Variants in MYO1F observed in about 807,000 individuals in gnomAD.
MYO1F encodes the protein myosin IF, also known as unconventional myosin-If.
MYO1F carries 60 observed loss-of-function variants against 146.6 expected under a neutral mutation model. The ratio of observed to expected loss-of-function variants is 0.41; its 90% CI spans 0.33 to 0.51. MYO1F has a LOEUF of 0.51. MYO1F is among the 20% of genes least tolerant of loss of function. The probability of loss-of-function intolerance (pLI) is 0.25; values close to 1 mark genes in which losing one functional copy is unlikely to be tolerated. For missense variants in MYO1F, 1,274 were observed against 1,534.3 expected (o/e 0.83, Z 2.83); for synonymous variants, 602 against 602.1 (o/e 1.00, Z 0.00).
intron 1 of MYO1F, among the ~76,000 whole-genome samples, chr19:8,561,388 T>TCCCC (rs1974103245): frequency 1.2e-5 from 1 of 84,310 alleles, no homozygotes; most frequent in South Asian, 4.9e-4. Context: ...CTTCCCCCCT[T>TCCCC]CTTTCCTTCC....
chr19:8,525,527 G>A lies in MYO1F; in HGVS notation c.2806C>T (p.Arg936Trp). ...CGGGTAGGGGCTTGGGACGACCTCC[G>A]AGGTTTTCCCTTGGCCATTCCCTTC... is the stretch of plus-strand genomic sequence containing the variant. ...TRKGMAKGKP[R>W]RSSQAPTRAA... The change falls in exon 25 of 28, where the codon CGG becomes TGG. Residue 936 changes from arginine (R) to tryptophan (W), a missense_variant. Physicochemically the swap from Arg to Trp is moderately radical, Grantham distance 101. This residue lies in a region of MYO1F where 374 missense variants were observed against 379.2 expected (regional missense o/e 0.99). Coordinates refer to ENST00000644032, the MANE Select transcript of MYO1F (RefSeq NM_012335.4). 1 of 1,613,580 alleles carries A rather than the reference G, an allele frequency of 6.2e-7. No homozygotes were observed. The highest frequency in any genetic ancestry group is 8.5e-7 in the Non-Finnish European group (1 of 1,179,960).
In MYO1F at chr19:8,530,485, C is replaced by T. The variant is rs201305709; in HGVS notation, c.2132G>A (p.Arg711Gln). The T allele has an allele frequency of 2.1e-5, 34 of 1,613,754 alleles. No homozygotes were observed. The African/African-American group carries it at 2.7e-4, about 13-fold the overall frequency. ...TTCCTCCCGCATCTCCTCGTACTTC[C>T]GGACAGCCACGTGGCGCCGCCAGGC... is the stretch of plus-strand genomic sequence containing the variant. ...QKAWRRHVAV[R>Q]KYEEMREEAS... Residue 711 changes from arginine to glutamine, a missense_variant, in exon 20 of 28, where the codon CGG (arginine) becomes CAG (glutamine). Coordinates refer to ENST00000644032, the MANE Select transcript of MYO1F (RefSeq NM_012335.4). This position sits in a 1 kb window ranked among gnomAD's most constrained non-coding sequence, Gnocchi z 5.8.
At position 8,544,330 on chromosome 19, in the gene MYO1F, G is replaced by A. The variant is rs926390652; in HGVS notation, c.1491C>T (p.Ser497=). ...VGTHEHFNSW[S]AGFVIHHYAG... is the part of the protein sequence containing the mutation. ...CGTAGTGGTGGATGACGAAGCCGGC[G>A]CTCCAGCTGTTGAAATGCTCGTGGG... Residue 497 remains serine, a synonymous_variant, in exon 14 of 28, where the codon AGC becomes AGT. Coordinates refer to ENST00000644032, the MANE Select transcript of MYO1F (RefSeq NM_012335.4). 8.7e-6 allele frequency: 14 copies of A among 1,612,960 alleles called. No individual in the cohort carries two copies. The highest frequency in any genetic ancestry group is 1.1e-5 in the Non-Finnish European group (13 of 1,179,872).
At position 8,574,581 on chromosome 19, in the gene MYO1F, CTCTCTCTCTCTCTCTCTTTCTT is replaced by C. The variant is rs1568380952; in HGVS notation, c.3+2704_3+2725del. Among the ~76,000 whole-genome samples the C allele has an allele frequency of 4.4e-4, 43 of 97,348 alleles. No individual in the cohort carries two copies. In the East Asian group the frequency reaches 5.7e-3, roughly 13 times the overall value. The allele number at this position is 97,348 out of a possible 152,430, so 63.9% of individuals were successfully genotyped here. ...TTTCTTTCTTTCTTTCTTTCTTTCTCTCTCTCTCTCTCTCTCTTTCTTTCTTTCTTTCTTTCTTTCTTTCTTT... is the reference window on the plus strand; with the variant it reads ...TTTCTTTCTTTCTTTCTTTCTTTCTCTCTTTCTTTCTTTCTTTCTTTCTTT... On this transcript the variant is annotated intron_variant, in intron 1 of 27. Transcript: ENST00000644032.
chr19:8,534,346 C>T (rs1443613861), intron 19 of MYO1F, among the ~76,000 whole-genome samples: 2 of 151,934 alleles, frequency 1.3e-5, no homozygotes, highest in South Asian at 2.1e-4. Flanking sequence ...CTCACTTTGT[C>T]CCCCAGGCTG....
chr19:8,559,132 G>A (rs561120534), intron 1 of MYO1F, among the ~76,000 whole-genome samples: 1 of 151,802 alleles, frequency 6.6e-6, no homozygotes, highest in South Asian at 2.1e-4. Context: ...TTCCTGCCTC[G>A]ATCTTCCAAA....
chr19:8,529,080 T>C (rs954433826), intron 21 of MYO1F, among the ~76,000 whole-genome samples: 1 of 152,006 alleles, frequency 6.6e-6, no homozygotes, highest in Non-Finnish European at 1.5e-5. Flanking sequence ...CAATAATGTG[T>C]GTCTGGTATG....
chr19:8,529,024 C>T (rs1972378882), intron 21 of MYO1F, among the ~76,000 whole-genome samples: 1 of 152,144 alleles, frequency 6.6e-6, no homozygotes, highest in South Asian at 2.1e-4. Context: ...GCATACCTGC[C>T]ACACAGACCT....
chr19:8,562,156 A>ATTTTTTTTT (rs1490847496), intron 1 of MYO1F, among the ~76,000 whole-genome samples: 5 of 142,812 alleles, frequency 3.5e-5, no homozygotes, highest in African/African-American at 1.1e-4. Flanking sequence ...TGCCCGGCTA[A>ATTTTTTTTT]TTTTTTCTTT....
rs556186566 is a variant in MYO1F at position 8,572,611 on chromosome 19, G to C, written c.3+4696C>G. Among the ~76,000 whole-genome samples the C allele has an allele frequency of 3.4e-4, 52 of 152,128 alleles. No individual in the cohort carries two copies. In the South Asian group the frequency reaches 0.011, roughly 32 times the overall value. On this transcript the variant is annotated intron_variant, in intron 1 of 27. Coordinates refer to ENST00000644032, the MANE Select transcript of MYO1F (RefSeq NM_012335.4). ...TGATTCTTTCTCCTAAATTCCTTTT[G>C]ACTCCCAGCCTTTCCTGTCCATCCT...
chr19:8,544,613 T>G, intron 13 of MYO1F, 149 bp from the exon 14 acceptor site: 3 of 834,016 alleles, frequency 3.6e-6, no homozygotes, highest in East Asian at 2.7e-5. Flanking sequence ...GGGCTTCAAA[T>G]ACAAGCACAA....
chr19:8,564,144 G>C (rs999689637), intron 1 of MYO1F, among the ~76,000 whole-genome samples: 9 of 152,048 alleles, frequency 5.9e-5, no homozygotes, highest in African/African-American at 1.7e-4. Flanking sequence ...ACTTTGGGAG[G>C]CCAAGGTGGA....
rs754582807 is a variant in MYO1F, at chr19:8,522,386, G to A, written c.3211C>T (p.Leu1071Phe). 1 of 1,614,096 alleles carries A rather than the reference G, an allele frequency of 6.2e-7. No individual in the cohort carries two copies. The highest frequency in any genetic ancestry group is 8.5e-7 in the Non-Finnish European group (1 of 1,180,008). ...GCCCTGGTACACACACCTTCCATGA[G>A]GATCTCAATGACCTCGTTCACGTTG... is the stretch of plus-strand genomic sequence containing the variant. Reference protein sequence around the residue: ...SFNVNEVIEILMEDPSGWWKG... With the variant: ...SFNVNEVIEIFMEDPSGWWKG... The change falls in exon 27 of 28, where the codon CTC becomes TTC. Residue 1071 changes from leucine (L) to phenylalanine (F), a missense_variant. Leu to Phe is a conservative substitution (Grantham distance 22). Coordinates refer to ENST00000644032, the MANE Select transcript of MYO1F (RefSeq NM_012335.4).
At chr19:8,554,850 G>T (rs1973777668) in intron 2 of MYO1F, 107 bp from the exon 3 acceptor site, 1 of 1,042,846 alleles carries the variant, frequency 9.6e-7, no homozygotes, top group East Asian at 2.5e-5. Context: ...CTTGGAGGTG[G>T]AAGAGATGGA....
At chr19:8,570,486 C>T (rs1416007877) in intron 1 of MYO1F, among the ~76,000 whole-genome samples, 3 of 151,830 alleles carry the variant, frequency 2.0e-5, no homozygotes, top group Non-Finnish European at 4.4e-5. Context: ...CCTGCCTTAG[C>T]CTCCTGAGTA....
intron 16 of MYO1F, among the ~76,000 whole-genome samples, chr19:8,537,868 A>G (rs1972794883): frequency 6.6e-6 from 1 of 152,170 alleles, no homozygotes. Context: ...AGCTAGGATT[A>G]CAGGTCTGAG....
chr19:8,526,317 A>G (rs936051441), intron 24 of MYO1F, 136 bp downstream of exon 24: 1 of 1,347,942 alleles, frequency 7.4e-7, no homozygotes. Context: ...ACAGAGTGAG[A>G]CTCCGTCTTA....
At chr19:8,526,967 G>A (rs1972298847) in intron 22 of MYO1F, 32 bp from the exon 23 acceptor site, 3 of 1,611,908 alleles carry the variant, frequency 1.9e-6, no homozygotes, top group African/African-American at 1.3e-5. Context: ...CGTCAGGTGG[G>A]ACACAGGTGA....
At chr19:8,548,179 G>T in intron 11 of MYO1F, 57 bp from the exon 12 acceptor site, 1 of 1,613,186 alleles carries the variant, frequency 6.2e-7, no homozygotes, top group Non-Finnish European at 8.5e-7. Flanking sequence ...AAGTTCTTGT[G>T]GCCACCCTGG....
Sources: gnomAD v4.1 joint callset for allele counts (sites outside exome capture counted in the v4.1 genomes callset) on GRCh38, gnomAD v4.1.1 for gene constraint, gnomAD v4.1.1 regional missense constraint, Gnocchi (gnomAD v3.1) non-coding constraint, MANE v1.5 for transcripts, NCBI Gene and HGNC (gene_info 2026-07-23, HGNC 2026-07-21) for gene names.